The following PARD6G variants were observed in gnomAD, a reference collection of about 807,000 sequenced individuals.
PARD6G encodes the protein par-6 family cell polarity regulator gamma.
PARD6G carries 7 observed loss-of-function variants against 10.7 expected under a neutral mutation model. The ratio of observed to expected loss-of-function variants is 0.66; its 90% CI spans 0.37 to 1.23. The LOEUF is 1.23. PARD6G is among the 50% of genes most tolerant of loss of function. PARD6G has a pLI of 0.02. For missense variants in PARD6G, 548 were observed against 571.8 expected (o/e 0.96, Z 0.42); for synonymous variants, 287 against 269.4 (o/e 1.07, Z -0.64).
chr18:80,209,092 TC>T (rs1304369190), intron 1 of PARD6G, among the ~76,000 whole-genome samples: 10 of 150,016 alleles, frequency 6.7e-5, no homozygotes, highest in Admixed American at 4.0e-4. Context: ...AGAGTGAGAC[TC>T]CATCTCGAAA....
In PARD6G at chr18:80,184,175, T is replaced by C. The variant is rs1460415550; in HGVS notation, c.295+18535A>G. On this transcript the variant is annotated intron_variant, in intron 2 of 2. Coordinates refer to ENST00000353265, the MANE Select transcript of PARD6G (RefSeq NM_032510.4). This position sits in a 1 kb window ranked among gnomAD's most constrained non-coding sequence, Gnocchi z 4.5. The stretch of plus-strand genomic sequence containing the variant: ...TGAAGTCACATTCAATGCGGAACAC[T>C]GGGCACCTCCCCCTAAGGTCAGGAA... 1 of 152,182 alleles carries C rather than the reference T, an allele frequency of 6.6e-6. No homozygotes were observed. The highest frequency in any genetic ancestry group is 1.9e-4 in the East Asian group (1 of 5,198). 9.4% of individuals were successfully genotyped at this position (152,182 alleles called of 1,614,324 possible). A position where few individuals can be genotyped will look rare whatever the true frequency, so the allele number is the denominator to read the frequency against.
chr18:80,230,338 C>A (rs1026441360), intron 1 of PARD6G, among the ~76,000 whole-genome samples: 5 of 152,228 alleles, frequency 3.3e-5, no homozygotes, highest in Non-Finnish European at 7.3e-5. Flanking sequence ...AAAGAGAGTG[C>A]AACAGGTCTT....
At chr18:80,191,542 T>C (rs1013572216) in intron 2 of PARD6G, among the ~76,000 whole-genome samples, 1 of 152,224 alleles carries the variant, frequency 6.6e-6, no homozygotes, top group East Asian at 1.9e-4. Context: ...CTGCCACAGA[T>C]GATAGATTGC....
intron 1 of PARD6G, among the ~76,000 whole-genome samples, chr18:80,220,403 T>C (rs1195055843): frequency 6.6e-6 from 1 of 152,210 alleles, no homozygotes; most frequent in Non-Finnish European, 1.5e-5. Flanking sequence ...AAATGCAATG[T>C]GTTATCCTGG....
chr18:80,172,513 A>G (rs1568427937), intron 2 of PARD6G, among the ~76,000 whole-genome samples: 1 of 151,856 alleles, frequency 6.6e-6, no homozygotes, highest in Non-Finnish European at 1.5e-5. Flanking sequence ...CAACCTCCCA[A>G]GTAGTTGGAA....
rs1396842411 is a variant in PARD6G, at chr18:80,201,741, G to C, written c.295+969C>G. Reference sequence around the variant, plus strand: ...CTCAGCATCACCCTCACAGAAACTGGATGGGGGTTACTATGAGGACCCTCG... The same window carrying C: ...CTCAGCATCACCCTCACAGAAACTGCATGGGGGTTACTATGAGGACCCTCG... On this transcript the variant is annotated intron_variant, in intron 2 of 2. Transcript: ENST00000353265. The surrounding 1 kb of genome is among the most constrained non-coding windows in gnomAD (Gnocchi z 5.9). Among the ~76,000 whole-genome samples the C allele has an allele frequency of 6.6e-6, 1 of 152,252 alleles. No individual in the cohort carries two copies. Among genetic ancestry groups the C allele is most frequent in the Non-Finnish European group, 1.5e-5 (1 of 68,040 alleles).
chr18:80,207,645 A>C (rs1415118226), intron 1 of PARD6G, among the ~76,000 whole-genome samples: 1 of 152,196 alleles, frequency 6.6e-6, no homozygotes, highest in African/African-American at 2.4e-5. Flanking sequence ...GCTCTTTTTA[A>C]GTGTACAGTT....
At chr18:80,215,669 T>C (rs1420146502) in intron 1 of PARD6G, among the ~76,000 whole-genome samples, 1 of 152,066 alleles carries the variant, frequency 6.6e-6, no homozygotes, top group African/African-American at 2.4e-5. Context: ...AATAAAACTG[T>C]ACGTAAAAAT....
rs1388211650 is a variant in PARD6G at position 80,228,699 on chromosome 18, A to C, written c.72+18578T>G. Among the ~76,000 whole-genome samples the C allele has an allele frequency of 6.6e-6, 1 of 150,638 alleles. No homozygotes were observed. The highest frequency in any genetic ancestry group is 1.5e-5 in the Non-Finnish European group (1 of 67,676). Reference sequence around the variant, plus strand: ...TGCCCACAGACTGCGCCTCCCACCTAAGGCCCTTCTCCACCAAAGACCTGC... The same window carrying C: ...TGCCCACAGACTGCGCCTCCCACCTCAGGCCCTTCTCCACCAAAGACCTGC... On this transcript the variant is annotated intron_variant, in intron 1 of 2. Transcript: ENST00000353265. This position sits in a 1 kb window ranked among gnomAD's most constrained non-coding sequence, Gnocchi z 4.6.
intron 2 of PARD6G, among the ~76,000 whole-genome samples, chr18:80,174,677 G>A (rs1178966233): frequency 6.6e-6 from 1 of 152,152 alleles, no homozygotes; most frequent in Non-Finnish European, 1.5e-5. Flanking sequence ...ATTGTAGGCT[G>A]GGTGCGGTGG....
In PARD6G at chr18:80,163,543, G is replaced by A. The variant is rs932201472; in HGVS notation, c.296-2937C>T. ...ATCCCGGGAGCCCCACCCCTGTTCC[G>A]CATGGTGCATTCCCTTCCACCAAAA... On this transcript the variant is annotated intron_variant, in intron 2 of 2. Transcript: ENST00000353265. Among the ~76,000 whole-genome samples, 88 of 152,240 alleles carry A rather than the reference G, an allele frequency of 5.8e-4. 1 individual carries two copies. Among genetic ancestry groups the A allele is most frequent in the South Asian group, 2.1e-4 (1 of 4,818 alleles).
At chr18:80,177,177 A>C (rs2052815328) in intron 2 of PARD6G, among the ~76,000 whole-genome samples, 1 of 127,846 alleles carries the variant, frequency 7.8e-6, no homozygotes, top group Non-Finnish European at 1.7e-5. Flanking sequence ...AAACACACAT[A>C]CACACACACC....
rs2052852628 is a variant in PARD6G, at chr18:80,182,356, A to G, written c.295+20354T>C. 6.6e-6 allele frequency among the ~76,000 whole-genome samples: 1 copy of G among 152,170 alleles called. No individual in the cohort carries two copies. Among genetic ancestry groups the G allele is most frequent in the Admixed American group, 6.5e-5 (1 of 15,280 alleles). ...TCCACAAGGAGGGACAAACTCTCAC[A>G]TGGACAGTGAGGGTGTGACAGGCCC... is the stretch of plus-strand genomic sequence containing the variant. On this transcript the variant is annotated intron_variant, in intron 2 of 2. Transcript: ENST00000353265. This position sits in a 1 kb window ranked among gnomAD's most constrained non-coding sequence, Gnocchi z 4.5.
chr18:80,218,362 T>C (rs946580076), intron 1 of PARD6G, among the ~76,000 whole-genome samples: 3 of 151,330 alleles, frequency 2.0e-5, no homozygotes, highest in African/African-American at 7.3e-5. Context: ...ACAGGAGAAA[T>C]TGGCCAAAAC....
intron 1 of PARD6G, among the ~76,000 whole-genome samples, chr18:80,222,957 T>C (rs1256728188): frequency 6.6e-6 from 1 of 152,228 alleles, no homozygotes; most frequent in African/African-American, 2.4e-5. Context: ...ATTACAGGCA[T>C]GGGCTACTGC....
intron 2 of PARD6G, among the ~76,000 whole-genome samples, chr18:80,199,890 C>T (rs930492108): frequency 1.6e-4 from 24 of 152,282 alleles, no homozygotes; most frequent in African/African-American, 5.5e-4. Context: ...AGTGATCCAC[C>T]CGCCTCGGCC....
intron 1 of PARD6G, among the ~76,000 whole-genome samples, chr18:80,219,470 A>G (rs1480903850): frequency 6.6e-6 from 1 of 152,150 alleles, no homozygotes; most frequent in Admixed American, 6.5e-5. Context: ...TCAGCCTCCC[A>G]AAGTGCTGGG....
rs1057386035 is a variant in PARD6G, at chr18:80,189,258, C to T, written c.295+13452G>A. The T allele has an allele frequency of 2.6e-5, 4 of 152,238 alleles. No homozygotes were observed. The highest frequency in any genetic ancestry group is 1.9e-4 in the East Asian group (1 of 5,188). 9.4% of individuals were successfully genotyped at this position (152,238 alleles called of 1,614,324 possible). On this transcript the variant is annotated intron_variant, in intron 2 of 2. Coordinates refer to ENST00000353265, the MANE Select transcript of PARD6G (RefSeq NM_032510.4). The surrounding 1 kb of genome is among the most constrained non-coding windows in gnomAD (Gnocchi z 5.5). Reference sequence around the variant, plus strand: ...AATTTTGCCAACACATCAAACCAACCGTTTTCTTCTTTCTTTTTAAAGGAG... The same window carrying T: ...AATTTTGCCAACACATCAAACCAACTGTTTTCTTCTTTCTTTTTAAAGGAG...
intron 1 of PARD6G, among the ~76,000 whole-genome samples, chr18:80,215,819 G>T (rs2365388): frequency 0.19 from 29,342 of 151,942 alleles, 3,519 homozygotes; most frequent in African/African-American, 0.34. Context: ...GGCAGAGATT[G>T]GCAAAATGGA....
Sources: allele counts gnomAD v4.1 joint callset (sites outside exome capture counted in the v4.1 genomes callset), GRCh38; gene constraint gnomAD v4.1.1; non-coding constraint Gnocchi (gnomAD v3.1); transcripts MANE v1.5; gene names NCBI Gene and HGNC (gene_info 2026-07-23, HGNC 2026-07-21).